Variants in GALNT13 observed in about 807,000 individuals in gnomAD.
GALNT13 encodes the protein UDP-GalNAc:polypeptide N-acetylgalactosaminyltransferase 13.
GALNT13 carries 28 observed loss-of-function variants against 64.2 expected under a neutral mutation model. That is an observed-to-expected ratio of 0.44 (90% CI 0.32 to 0.60). The LOEUF is 0.60. Ranked by LOEUF, GALNT13 falls within the 20% of genes least tolerant of loss-of-function variation. The probability of loss-of-function intolerance (pLI) is 0.05; values close to 1 mark genes in which losing one functional copy is unlikely to be tolerated. For synonymous variants in GALNT13, 214 were observed against 224.6 expected, an observed-to-expected ratio of 0.95 and a Z score of 0.42; for missense variants, 577 against 669.8, an observed-to-expected ratio of 0.86 and a Z score of 1.53.
chr2:153,765,309 C>A, the GALNT13 span, among the ~76,000 whole-genome samples: 1 of 152,076 alleles, frequency 6.6e-6, no homozygotes. Context: ...ACTGCCTAAG[C>A]CCATGGGAGC....
At chr2:154,190,377 T>C (rs1211428351) in intron 4 of GALNT13, among the ~76,000 whole-genome samples, 1 of 152,212 alleles carries the variant, frequency 6.6e-6, no homozygotes, top group African/African-American at 2.4e-5. Context: ...TATGTAGCTC[T>C]CCTTAGAATC....
At chr2:154,130,765 G>A (rs978759437) in intron 3 of GALNT13, among the ~76,000 whole-genome samples, 2 of 152,148 alleles carry the variant, frequency 1.3e-5, no homozygotes, top group African/African-American at 4.8e-5. Flanking sequence ...TATGACAAAA[G>A]TGAGTATATT....
the GALNT13 span, among the ~76,000 whole-genome samples, chr2:153,311,410 T>C: frequency 6.6e-5 from 10 of 152,182 alleles, no homozygotes; most frequent in Admixed American, 2.0e-4. Context: ...CAGATATCTA[T>C]TGGTGCATAA....
chr2:153,210,129 GAC>G, the GALNT13 span, among the ~76,000 whole-genome samples: 1 of 152,048 alleles, frequency 6.6e-6, no homozygotes. Flanking sequence ...TGTGAATAGA[GAC>G]AGTTTTCTTT....
intron 10 of GALNT13, among the ~76,000 whole-genome samples, chr2:154,397,531 T>C (rs80227409): frequency 2.4e-4 from 37 of 152,364 alleles, no homozygotes; most frequent in Middle Eastern, 3.4e-3. Flanking sequence ...TAGACCATAA[T>C]GGTAGAATAT....
intron 2 of GALNT13, chr2:153,926,336 A>T (rs1346661426): frequency 6.6e-6 from 1 of 152,090 alleles, no homozygotes; most frequent in Admixed American, 6.6e-5. Flanking sequence ...GGGAATAGTT[A>T]AAAGTGAGTA....
chr2:153,076,757 C>T, the GALNT13 span, among the ~76,000 whole-genome samples: 2 of 151,748 alleles, frequency 1.3e-5, no homozygotes, highest in Admixed American at 6.6e-5. Flanking sequence ...TTATTAAATC[C>T]ATGTCTAGAT....
At chr2:153,881,126 T>C (rs1043482219) in intron 1 of GALNT13, among the ~76,000 whole-genome samples, 1 of 152,186 alleles carries the variant, frequency 6.6e-6, no homozygotes, top group African/African-American at 2.4e-5. Flanking sequence ...ACTTTTAGAG[T>C]TGTGTGCTTG....
At position 154,419,365 on chromosome 2, in the gene GALNT13, C is replaced by G. The variant is rs574707510; in HGVS notation, c.1395+10283C>G. On this transcript the variant is annotated intron_variant, in intron 11 of 12. Transcript: ENST00000392825. ...CTCAAAGATTGTAAGTTTTTGTTTT[C>G]TTTCTTAAGATCTCTTAAAAATTGA... Among the ~76,000 whole-genome samples, 269 of 152,110 alleles carry G rather than the reference C, an allele frequency of 1.8e-3. 2 individuals are homozygous for G. The highest frequency in any genetic ancestry group is 6.4e-3 in the African/African-American group (264 of 41,528).
intron 4 of GALNT13, among the ~76,000 whole-genome samples, chr2:154,183,205 G>A (rs918316406): frequency 6.6e-6 from 1 of 152,160 alleles, no homozygotes; most frequent in African/African-American, 2.4e-5. Flanking sequence ...GTTTTTAGTT[G>A]TAATTAGTAT....
intron 1 of GALNT13, among the ~76,000 whole-genome samples, chr2:153,895,831 T>C (rs1687850130): frequency 6.6e-6 from 1 of 151,842 alleles, no homozygotes; most frequent in Non-Finnish European, 1.5e-5. Context: ...TCACAGTAAC[T>C]TCTTTTTGCC....
At chr2:153,093,841 C>T in the GALNT13 span, among the ~76,000 whole-genome samples, 10 of 152,082 alleles carry the variant, frequency 6.6e-5, no homozygotes, top group Non-Finnish European at 1.3e-4. Context: ...TTTATTATAA[C>T]TTCAATTTCA....
intron 2 of GALNT13, among the ~76,000 whole-genome samples, chr2:153,913,825 C>G (rs1448754611): frequency 6.6e-6 from 1 of 152,146 alleles, no homozygotes; most frequent in Non-Finnish European, 1.5e-5. Context: ...TGCCTTGCCT[C>G]TGAAGATATG....
rs952864113 is a variant in GALNT13 at position 154,065,069 on chromosome 2, G to A, written c.143-75268G>A. On this transcript the variant is annotated intron_variant, in intron 3 of 12. Transcript: ENST00000392825. Reference sequence around the variant, plus strand: ...TGACTGAAGATCCCTTGGGCTTTCAGTGAACATTGCTGGTAGCCTGGCACA... The same window carrying A: ...TGACTGAAGATCCCTTGGGCTTTCAATGAACATTGCTGGTAGCCTGGCACA... Among the ~76,000 whole-genome samples the A allele has an allele frequency of 3.3e-5, 5 of 152,274 alleles. No individual in the cohort carries two copies. The South Asian group carries it at 8.3e-4, about 25-fold the overall frequency.
At chr2:153,450,665 G>A in the GALNT13 span, among the ~76,000 whole-genome samples, 13 of 151,056 alleles carry the variant, frequency 8.6e-5, no homozygotes, top group Non-Finnish European at 1.5e-4. Flanking sequence ...ATATTCCGAT[G>A]AACACATATC....
chr2:153,500,707 C>A, the GALNT13 span, among the ~76,000 whole-genome samples: 2 of 137,356 alleles, frequency 1.5e-5, no homozygotes, highest in African/African-American at 6.1e-5. Context: ...TATAAACTAT[C>A]TTTAGAAGAG....
chr2:153,318,869 T>C, the GALNT13 span, among the ~76,000 whole-genome samples: 1 of 152,226 alleles, frequency 6.6e-6, no homozygotes, highest in African/African-American at 2.4e-5. Context: ...TTATCACTTA[T>C]TGGCTGTGTT....
chr2:153,831,189 C>T, the GALNT13 span, among the ~76,000 whole-genome samples: 4 of 152,108 alleles, frequency 2.6e-5, no homozygotes, highest in African/African-American at 9.7e-5. Context: ...AACTTTGCCT[C>T]GTTTTTTCCT....
chr2:154,348,218 T>A (rs1417706181), intron 9 of GALNT13, among the ~76,000 whole-genome samples: 1 of 152,152 alleles, frequency 6.6e-6, no homozygotes, highest in African/African-American at 2.4e-5. Flanking sequence ...TTAACCACTG[T>A]GCAATCCTGC....
Sources: allele counts gnomAD v4.1 joint callset (sites outside exome capture counted in the v4.1 genomes callset), GRCh38; gene constraint gnomAD v4.1.1; transcripts MANE v1.5; gene names NCBI Gene and HGNC (gene_info 2026-07-23, HGNC 2026-07-21).